Variants in TAFA2 observed in about 807,000 individuals in gnomAD.
The protein encoded by TAFA2 is chemokine-like protein TAFA-2.
A neutral mutation model predicts 18.8 loss-of-function variants in TAFA2; 7 were observed. The ratio of observed to expected loss-of-function variants is 0.37; its 90% CI spans 0.21 to 0.70. The LOEUF (loss-of-function observed/expected upper bound fraction) is 0.70. TAFA2 is among the 30% of genes least tolerant of loss of function. TAFA2 has a pLI of 0.53. For synonymous variants in TAFA2, 60 were observed against 54.2 expected (o/e 1.11, Z -0.47); for missense variants, 122 against 158.1 (o/e 0.77, Z 1.23).
intron 1 of TAFA2, among the ~76,000 whole-genome samples, chr12:62,218,655 G>A (rs1185908424): frequency 2.6e-5 from 4 of 151,920 alleles, no homozygotes; most frequent in Admixed American, 6.6e-5. Flanking sequence ...CTATCTTTAC[G>A]ATCTTTATAG....
At chr12:61,897,454 C>T (rs919102789) in intron 1 of TAFA2, among the ~76,000 whole-genome samples, 1 of 152,118 alleles carries the variant, frequency 6.6e-6, no homozygotes, top group Non-Finnish European at 1.5e-5. Context: ...TTAATTGACT[C>T]ACAGTGCAGC....
chr12:62,009,564 A>G (rs1260993751), intron 1 of TAFA2, among the ~76,000 whole-genome samples: 1 of 152,228 alleles, frequency 6.6e-6, no homozygotes, highest in East Asian at 1.9e-4. Flanking sequence ...GACACGAGCA[A>G]TTCAGAAACA....
intron 4 of TAFA2, among the ~76,000 whole-genome samples, chr12:61,728,805 T>C (rs1341456953): frequency 1.3e-5 from 2 of 151,930 alleles, no homozygotes; most frequent in Non-Finnish European, 2.9e-5. Context: ...TACCTTGATT[T>C]TTTTTTCATT....
At chr12:62,171,538 C>T (rs1881956) in intron 1 of TAFA2, among the ~76,000 whole-genome samples, 140,766 of 152,176 alleles carry the variant, frequency 0.93, 65,257 homozygotes, top group African/African-American at 0.96. Flanking sequence ...GGGATATGAT[C>T]AGATAATGAG....
intron 2 of TAFA2, among the ~76,000 whole-genome samples, chr12:61,834,543 G>A (rs1228404317): frequency 6.6e-6 from 1 of 152,028 alleles, no homozygotes; most frequent in Non-Finnish European, 1.5e-5. Context: ...CAGGTTATAA[G>A]TCTCCATACA....
chr12:61,767,419 T>C (rs1869836106), intron 2 of TAFA2, among the ~76,000 whole-genome samples: 1 of 152,116 alleles, frequency 6.6e-6, no homozygotes, highest in African/African-American at 2.4e-5. Context: ...AAGGATGAAC[T>C]TTTACTGTTT....
intron 1 of TAFA2, among the ~76,000 whole-genome samples, chr12:61,989,607 G>A (rs756735005): frequency 5.9e-5 from 9 of 152,120 alleles, no homozygotes; most frequent in South Asian, 2.1e-4. Context: ...GCCCGCTCAC[G>A]GCTTGTTTTA....
At chr12:61,967,525 G>T (rs143380754) in intron 1 of TAFA2, among the ~76,000 whole-genome samples, 2 of 151,892 alleles carry the variant, frequency 1.3e-5, no homozygotes, top group South Asian at 4.1e-4. Context: ...AATAAAACAC[G>T]TCCACACAAC....
chr12:62,044,144 TA>T (rs34283857), intron 1 of TAFA2, among the ~76,000 whole-genome samples: 99 of 146,210 alleles, frequency 6.8e-4, no homozygotes, highest in East Asian at 7.9e-4. Context: ...CAGTGGGTGT[TA>T]AAAAAAAAAA....
intron 1 of TAFA2, among the ~76,000 whole-genome samples, chr12:61,924,263 G>C (rs370831698): frequency 1.3e-5 from 2 of 152,078 alleles, no homozygotes; most frequent in African/African-American, 4.8e-5. Flanking sequence ...TCCTCAAGGA[G>C]AGCAACCCCA....
chr12:62,115,908 T>A (rs1010173781), intron 1 of TAFA2, among the ~76,000 whole-genome samples: 2 of 152,208 alleles, frequency 1.3e-5, no homozygotes, highest in African/African-American at 4.8e-5. Context: ...TTGACCCTGT[T>A]GTTCTCTGCA....
intron 1 of TAFA2, among the ~76,000 whole-genome samples, chr12:62,094,538 C>T (rs568071483): frequency 1.3e-5 from 2 of 151,836 alleles, no homozygotes; most frequent in African/African-American, 4.8e-5. Context: ...ATCAGTTTAC[C>T]TTTTAAAATT....
intron 1 of TAFA2, among the ~76,000 whole-genome samples, chr12:62,001,687 G>A (rs11174273): frequency 0.27 from 40,383 of 151,814 alleles, 5,618 homozygotes; most frequent in East Asian, 0.44. Context: ...CCCTCCTGCT[G>A]CTCACCCCCT....
At chr12:61,985,980 C>T (rs539928795) in intron 1 of TAFA2, among the ~76,000 whole-genome samples, 1 of 152,170 alleles carries the variant, frequency 6.6e-6, no homozygotes, top group South Asian at 2.1e-4. Context: ...TACCTCAGCC[C>T]ACAACCATTG....
intron 1 of TAFA2, chr12:62,242,530 A>T (rs1365318662): frequency 6.4e-6 from 1 of 155,062 alleles, no homozygotes; most frequent in East Asian, 1.9e-4. Flanking sequence ...TCACTGTGTT[A>T]CCCAGGCTGG....
At chr12:62,155,521 C>T (rs963989918) in intron 1 of TAFA2, among the ~76,000 whole-genome samples, 2 of 152,124 alleles carry the variant, frequency 1.3e-5, no homozygotes, top group African/African-American at 4.8e-5. Context: ...AACCTGGAGG[C>T]ATCACACTAC....
intron 1 of TAFA2, among the ~76,000 whole-genome samples, chr12:62,142,541 T>A (rs2062247235): frequency 1.3e-5 from 2 of 152,136 alleles, no homozygotes; most frequent in Admixed American, 1.3e-4. Context: ...ATTCATAGTG[T>A]CTTCCATGCA....
chr12:61,965,825 G>C (rs1468207245), intron 1 of TAFA2, among the ~76,000 whole-genome samples: 1 of 151,842 alleles, frequency 6.6e-6, no homozygotes, highest in Non-Finnish European at 1.5e-5. Flanking sequence ...GAATGGCATG[G>C]CATTGTGCAG....
At chr12:61,847,067 A>G (rs892596321) in intron 2 of TAFA2, among the ~76,000 whole-genome samples, 18 of 152,210 alleles carry the variant, frequency 1.2e-4, no homozygotes, top group Admixed American at 1.0e-3. Context: ...CTACACAGCA[A>G]CTATCTCTTA....
Sources: gnomAD v4.1 joint callset for allele counts (sites outside exome capture counted in the v4.1 genomes callset) on GRCh38, gnomAD v4.1.1 for gene constraint, MANE v1.5 for transcripts, NCBI Gene and HGNC (gene_info 2026-07-23, HGNC 2026-07-21) for gene names.